The following RYR3 variants were observed in gnomAD, a reference collection of about 807,000 sequenced individuals.
RYR3 encodes brain ryanodine receptor-calcium release channel.
RYR3 carries 207 observed loss-of-function variants against 584.3 expected under a neutral mutation model. The ratio of observed to expected loss-of-function variants is 0.35; its 90% CI spans 0.32 to 0.40. RYR3 has a LOEUF of 0.40. Among genes scored for constraint, RYR3 ranks in the 10% least tolerant of loss-of-function variants. The probability of loss-of-function intolerance (pLI) is 1.00; values close to 1 mark genes in which losing one functional copy is unlikely to be tolerated. For missense variants in RYR3, 5,616 were observed against 6,089.2 expected (o/e 0.92, Z 2.59); for synonymous variants, 2,416 against 2,248.5 (o/e 1.07, Z -2.11).
chr15:33,746,910 G>A (rs1323607428), intron 53 of RYR3, among the ~76,000 whole-genome samples: 1 of 148,672 alleles, frequency 6.7e-6, no homozygotes, highest in Non-Finnish European at 1.5e-5. Flanking sequence ...CCGGGCTCAA[G>A]TGATCCTCCC....
intron 36 of RYR3, among the ~76,000 whole-genome samples, chr15:33,664,179 C>T (rs917428487): frequency 3.3e-5 from 5 of 152,150 alleles, no homozygotes; most frequent in African/African-American, 9.7e-5. Flanking sequence ...TCTTCTAATG[C>T]GTCTAAACCC....
chr15:33,659,913 C>A, intron 33 of RYR3, 107 bp downstream of exon 33: 1 of 765,796 alleles, frequency 1.3e-6, no homozygotes, highest in South Asian at 1.6e-5. Context: ...GTTCACTTCC[C>A]ATAAGCCCCC....
At chr15:33,511,904 G>A (rs922362044) in intron 3 of RYR3, among the ~76,000 whole-genome samples, 3 of 151,850 alleles carry the variant, frequency 2.0e-5, no homozygotes, top group East Asian at 1.9e-4. Context: ...TCAGCCTCCC[G>A]AGTAGCTGGG....
intron 43 of RYR3, among the ~76,000 whole-genome samples, chr15:33,716,021 T>C (rs1048420855): frequency 3.3e-5 from 5 of 152,182 alleles, no homozygotes; most frequent in African/African-American, 1.2e-4. Context: ...CTTGGTGCTG[T>C]CCTCACACTA....
intron 20 of RYR3, among the ~76,000 whole-genome samples, chr15:33,624,321 TA>T (rs1029869445): frequency 6.6e-6 from 1 of 151,374 alleles, no homozygotes; most frequent in African/African-American, 2.4e-5. Flanking sequence ...GCAAATGTAT[TA>T]TTTTTTTAAA....
At chr15:33,344,871 G>T (rs1972255630) in intron 1 of RYR3, among the ~76,000 whole-genome samples, 1 of 152,320 alleles carries the variant, frequency 6.6e-6, no homozygotes, top group South Asian at 2.1e-4. Flanking sequence ...AAAGTCTTGA[G>T]CTTAAGCATG....
At chr15:33,560,230 ATTG>A (rs1307992809) in intron 10 of RYR3, among the ~76,000 whole-genome samples, 2 of 152,026 alleles carry the variant, frequency 1.3e-5, no homozygotes, top group Admixed American at 6.6e-5. Flanking sequence ...ATTCATCATT[ATTG>A]TTTAGGGTTG....
chr15:33,439,558 G>T (rs1488179203), intron 1 of RYR3, among the ~76,000 whole-genome samples: 5 of 152,024 alleles, frequency 3.3e-5, no homozygotes, highest in Non-Finnish European at 5.9e-5. Flanking sequence ...ATTCTCCTAT[G>T]TGGTTTTAAT....
intron 64 of RYR3, among the ~76,000 whole-genome samples, chr15:33,775,084 C>G (rs1329461472): frequency 6.6e-5 from 10 of 150,742 alleles, no homozygotes; most frequent in African/African-American, 2.4e-4. Context: ...CAGAAAAAGA[C>G]TGCTCTTCAT....
At chr15:33,753,963 G>A (rs909098682) in intron 57 of RYR3, among the ~76,000 whole-genome samples, 2 of 152,104 alleles carry the variant, frequency 1.3e-5, no homozygotes, top group Non-Finnish European at 2.9e-5. Flanking sequence ...TGGTTAAGAT[G>A]GTGAAACCCA....
At chr15:33,747,672 G>A (rs140792167) in intron 53 of RYR3, among the ~76,000 whole-genome samples, 1 of 151,858 alleles carries the variant, frequency 6.6e-6, no homozygotes, top group Admixed American at 6.6e-5. Context: ...TGATCCACCC[G>A]CCTCGGCCTC....
intron 60 of RYR3, among the ~76,000 whole-genome samples, 165 bp from the exon 61 acceptor site, chr15:33,768,492 TC>T (rs1392822685): frequency 6.6e-6 from 1 of 152,244 alleles, no homozygotes; most frequent in Non-Finnish European, 1.5e-5. Context: ...CCACACATGT[TC>T]CTGAGTGTGG....
At chr15:33,615,538 G>A (rs866966026) in intron 19 of RYR3, among the ~76,000 whole-genome samples, 6 of 152,288 alleles carry the variant, frequency 3.9e-5, no homozygotes, top group Middle Eastern at 6.8e-3. Context: ...ATATATTGAA[G>A]TTATATATTG....
chr15:33,487,252 G>C (rs1199195356), intron 2 of RYR3, among the ~76,000 whole-genome samples: 1 of 151,420 alleles, frequency 6.6e-6, no homozygotes, highest in African/African-American at 2.4e-5. Flanking sequence ...TCCCGGAGTA[G>C]GCATTCCAGC....
chr15:33,541,767 G>A (rs954418975), intron 7 of RYR3, among the ~76,000 whole-genome samples: 3 of 152,138 alleles, frequency 2.0e-5, no homozygotes, highest in Non-Finnish European at 2.9e-5. Flanking sequence ...GAAGACTCAG[G>A]AAAAGACAAA....
chr15:33,585,953 C>T, intron 15 of RYR3, 45 bp from the exon 16 acceptor site: 2 of 1,169,486 alleles, frequency 1.7e-6, no homozygotes, highest in Non-Finnish European at 2.6e-6. Context: ...GTCACTTCTG[C>T]AGGGCATTTA....
At chr15:33,378,944 A>G (rs1194859428) in intron 1 of RYR3, among the ~76,000 whole-genome samples, 1 of 152,188 alleles carries the variant, frequency 6.6e-6, no homozygotes, top group Non-Finnish European at 1.5e-5. Context: ...CAGCCTGGGC[A>G]ATAAAGTGAG....
chr15:33,391,692 C>T (rs575786137), intron 1 of RYR3, among the ~76,000 whole-genome samples: 1 of 152,006 alleles, frequency 6.6e-6, no homozygotes, highest in South Asian at 2.1e-4. Context: ...AAATCATTAG[C>T]TGAGTAAAGT....
At chr15:33,409,202 T>C (rs1259921440) in intron 1 of RYR3, among the ~76,000 whole-genome samples, 1 of 152,164 alleles carries the variant, frequency 6.6e-6, no homozygotes, top group African/African-American at 2.4e-5. Flanking sequence ...AAATAGGCCT[T>C]CTTTAAGTTT....
Sources: gnomAD v4.1 joint callset for allele counts (sites outside exome capture counted in the v4.1 genomes callset) on GRCh38, gnomAD v4.1.1 for gene constraint, MANE v1.5 for transcripts, NCBI Gene and HGNC (gene_info 2026-07-23, HGNC 2026-07-21) for gene names.